The following NPAS3 variants were observed in gnomAD, a reference collection of about 807,000 sequenced individuals.
NPAS3 encodes neuronal PAS domain protein 3.
Under a neutral mutation model 73.1 loss-of-function variants are expected in NPAS3, and 14 were observed. The observed-to-expected ratio is 0.19, with a 90% confidence interval of 0.13 to 0.30. The LOEUF (loss-of-function observed/expected upper bound fraction) is 0.30. NPAS3 is among the 10% of genes least tolerant of loss of function. The pLI is 1.00. For synonymous variants in NPAS3, 620 were observed against 541.5 expected (o/e 1.14, Z -2.01); for missense variants, 1,096 against 1,250.0 (o/e 0.88, Z 1.86).
At chr14:33,077,770 A>G (rs1339414911) in intron 2 of NPAS3, among the ~76,000 whole-genome samples, 2 of 28,786 alleles carry the variant, frequency 6.9e-5, no homozygotes, top group Non-Finnish European at 9.5e-5. Context: ...ACATTGCAGT[A>G]AGGGTTTTTT....
chr14:33,681,645 T>C (rs1319152387), intron 6 of NPAS3, among the ~76,000 whole-genome samples: 2 of 152,208 alleles, frequency 1.3e-5, no homozygotes, highest in African/African-American at 4.8e-5. Context: ...TGGAATTATG[T>C]TATCACCATT....
At chr14:33,062,772 A>G (rs1261160937) in intron 2 of NPAS3, among the ~76,000 whole-genome samples, 1 of 152,238 alleles carries the variant, frequency 6.6e-6, no homozygotes, top group Admixed American at 6.5e-5. Context: ...GTGGTTTCAG[A>G]AAGTCAGTGA....
chr14:33,126,161 A>G (rs2043419174), intron 2 of NPAS3, among the ~76,000 whole-genome samples: 1 of 152,176 alleles, frequency 6.6e-6, no homozygotes, highest in African/African-American at 2.4e-5. Flanking sequence ...TTAAAAATTA[A>G]TCGACTTTTC....
chr14:33,453,521 C>T (rs2049894819), intron 4 of NPAS3, among the ~76,000 whole-genome samples: 1 of 152,014 alleles, frequency 6.6e-6, no homozygotes, highest in Non-Finnish European at 1.5e-5. Flanking sequence ...GAAACCAGAA[C>T]TGTTCTATAA....
upstream of NPAS3, chr14:32,934,798 G>T: frequency 4.1e-6 from 1 of 243,000 alleles, no homozygotes; most frequent in Non-Finnish European, 6.7e-6. The surrounding 1 kb of genome is among the most constrained non-coding windows in gnomAD (Gnocchi z 4.1). Flanking sequence ...CCGAGCCCCC[G>T]CCAGCCAGAG....
intron 4 of NPAS3, among the ~76,000 whole-genome samples, chr14:33,375,494 G>A (rs45538937): frequency 0.048 from 7,328 of 152,142 alleles, 252 homozygotes; most frequent in Middle Eastern, 0.13. Context: ...TTAAGTTCAC[G>A]TATGAACAAC....
At chr14:32,948,792 T>C (rs961663032) in intron 1 of NPAS3, among the ~76,000 whole-genome samples, 1 of 152,088 alleles carries the variant, frequency 6.6e-6, no homozygotes, top group Non-Finnish European at 1.5e-5. Flanking sequence ...CCATTCCTCA[T>C]ATATATCGAT....
intron 6 of NPAS3, 31 bp downstream of exon 6, chr14:33,676,416 G>A: frequency 6.5e-7 from 1 of 1,528,058 alleles, no homozygotes; most frequent in Non-Finnish European, 8.7e-7. Context: ...GTGTGGGTTG[G>A]TGGGCAGGAC....
At chr14:33,127,414 G>C (rs1373940272) in intron 2 of NPAS3, among the ~76,000 whole-genome samples, 2 of 152,102 alleles carry the variant, frequency 1.3e-5, no homozygotes, top group East Asian at 3.9e-4. Flanking sequence ...CTTTTGATGT[G>C]GTAAATTACA....
At chr14:33,236,974 A>G (rs2048055392) in intron 3 of NPAS3, among the ~76,000 whole-genome samples, 1 of 152,104 alleles carries the variant, frequency 6.6e-6, no homozygotes, top group Non-Finnish European at 1.5e-5. Flanking sequence ...TTGATTTTAC[A>G]TTACAAAAAT....
chr14:32,991,981 A>G (rs778096727), intron 1 of NPAS3, among the ~76,000 whole-genome samples: 1 of 152,198 alleles, frequency 6.6e-6, no homozygotes, highest in Non-Finnish European at 1.5e-5. Context: ...ATACAATCAC[A>G]CAGATGGAAT....
At chr14:33,103,783 T>C (rs111305665) in intron 2 of NPAS3, among the ~76,000 whole-genome samples, 44 of 152,120 alleles carry the variant, frequency 2.9e-4, no homozygotes, top group African/African-American at 1.0e-3. Context: ...TGTCCGGAGA[T>C]TGTGTCTTCC....
chr14:33,386,093 T>C (rs1305445423), intron 4 of NPAS3, among the ~76,000 whole-genome samples: 2 of 151,782 alleles, frequency 1.3e-5, no homozygotes, highest in East Asian at 3.9e-4. Context: ...TTGACCAATG[T>C]AGTAGTGCTC....
At chr14:33,739,897 C>CT (rs2061613955) in intron 7 of NPAS3, among the ~76,000 whole-genome samples, 1 of 152,108 alleles carries the variant, frequency 6.6e-6, no homozygotes, top group Admixed American at 6.6e-5. Context: ...AGTCCTATAC[C>CT]TTTCTGCCAC....
chr14:33,684,747 C>T (rs950879166), intron 6 of NPAS3, among the ~76,000 whole-genome samples: 6 of 152,344 alleles, frequency 3.9e-5, no homozygotes, highest in Middle Eastern at 3.4e-3. Flanking sequence ...CAACATCACC[C>T]GTGTACACTT....
chr14:33,172,290 A>G lies in NPAS3; in HGVS notation c.141-42892A>G, dbSNP rs146212522. Among the ~76,000 whole-genome samples, 238 of 152,352 alleles carry G rather than the reference A, an allele frequency of 1.6e-3. 2 individuals are homozygous for G. Among genetic ancestry groups the G allele is most frequent in the African/African-American group, 5.3e-3 (221 of 41,582 alleles). On this transcript the variant is annotated intron_variant, in intron 2 of 11. Transcript: ENST00000356141. ...AAAAAGCACAGTATATGTGGTGCAC[A>G]GTGAAGCGAAATGCAGTAAGACGAA...
intron 4 of NPAS3, among the ~76,000 whole-genome samples, chr14:33,550,817 C>G (rs1414991303): frequency 3.3e-5 from 5 of 152,126 alleles, no homozygotes; most frequent in Admixed American, 3.3e-4. Flanking sequence ...AACATAGCCT[C>G]TAAGCGTCTG....
chr14:33,244,155 A>G (rs750233741), intron 3 of NPAS3, among the ~76,000 whole-genome samples: 15 of 151,354 alleles, frequency 9.9e-5, no homozygotes, highest in East Asian at 1.9e-4. Flanking sequence ...AAAAAAAACT[A>G]TGCACCAAAG....
At chr14:33,576,520 C>A (rs1404835449) in intron 5 of NPAS3, among the ~76,000 whole-genome samples, 1 of 152,120 alleles carries the variant, frequency 6.6e-6, no homozygotes, top group East Asian at 1.9e-4. Flanking sequence ...GCTATACTAC[C>A]CTGAATCATT....
Sources: gnomAD v4.1 joint callset for allele counts (sites outside exome capture counted in the v4.1 genomes callset) on GRCh38, gnomAD v4.1.1 for gene constraint, Gnocchi (gnomAD v3.1) non-coding constraint, MANE v1.5 for transcripts, NCBI Gene and HGNC (gene_info 2026-07-23, HGNC 2026-07-21) for gene names.